RET: variants seen among roughly 807,000 people sequenced by gnomAD.
RET encodes the protein ret proto-oncogene, also known as proto-oncogene tyrosine-protein kinase receptor Ret.
A neutral mutation model predicts 118.3 loss-of-function variants in RET; 19 were observed. The observed-to-expected ratio is 0.16, with a 90% CI of 0.11 to 0.24. The LOEUF (loss-of-function observed/expected upper bound fraction) is 0.24. Among genes scored for constraint, RET ranks in the 10% least tolerant of loss-of-function variants. The pLI is 1.00. For missense variants in RET, 1,219 were observed against 1,502.1 expected, an observed-to-expected ratio of 0.81 and a Z score of 3.12; for synonymous variants, 597 against 644.1, an observed-to-expected ratio of 0.93 and a Z score of 1.11.
Position 43,114,979 on chromosome 10 carries a change from G to C in RET, c.2136+243G>C, listed in dbSNP as rs148299617. Among the ~76,000 whole-genome samples, 1 of 152,312 alleles carries C rather than the reference G, an allele frequency of 6.6e-6. No individual in the cohort carries two copies. Among genetic ancestry groups the C allele is most frequent in the African/African-American group, 2.4e-5 (1 of 41,578 alleles). On this transcript the variant is annotated intron_variant, in intron 11 of 19. Coordinates refer to ENST00000355710, the MANE Select transcript of RET (RefSeq NM_020975.6). This position sits in a 1 kb window ranked among gnomAD's most constrained non-coding sequence, Gnocchi z 4.6. Reference sequence around the variant, plus strand: ...TGGTCAGGGTCACAGCATCGGGCAGGGGAGCAGCAGTGTGGATGGAGGGGC... The same window carrying C: ...TGGTCAGGGTCACAGCATCGGGCAGCGGAGCAGCAGTGTGGATGGAGGGGC...
chr10:43,104,591 A>G, intron 3 of RET: 1 of 405,018 alleles, frequency 2.5e-6, no homozygotes, highest in Middle Eastern at 6.9e-4. Flanking sequence ...AGGCAAAGCC[A>G]CCCTTCCCCA....
chr10:43,086,918 T>C (rs1449256936), intron 1 of RET, among the ~76,000 whole-genome samples: 1 of 152,168 alleles, frequency 6.6e-6, no homozygotes, highest in East Asian at 1.9e-4. Flanking sequence ...GGCTGCCAGG[T>C]CCCCCAGTGC....
At chr10:43,119,395 C>T (rs1362628833) in intron 13 of RET, 136 bp from the exon 14 acceptor site, 1 of 678,862 alleles carries the variant, frequency 1.5e-6, no homozygotes, top group Non-Finnish European at 2.5e-6. Flanking sequence ...AGCAGTGCTG[C>T]CTGAGGCAGG....
intron 1 of RET, among the ~76,000 whole-genome samples, chr10:43,078,407 A>T (rs930508258): frequency 2.6e-5 from 4 of 152,162 alleles, no homozygotes; most frequent in Non-Finnish European, 2.9e-5. Flanking sequence ...GCACAAACTG[A>T]GTTTCCAGGC....
chr10:43,119,841 C>T (rs1838168898), intron 14 of RET, 96 bp downstream of exon 14: 1 of 1,370,878 alleles, frequency 7.3e-7, no homozygotes, highest in Admixed American at 1.8e-5. Context: ...GCCACTCCCC[C>T]ACCATGCCAC....
chr10:43,106,452 C>T lies in RET; in HGVS notation c.944C>T (p.Thr315Ile). ...PASGELVRRY[T>I]STLLPGDTWA... ...TCAGGGGAGCTGGTGAGGCGGTACACAAGCACGCTGCTCCCCGGGGACACC... is the reference window on the plus strand; with the variant it reads ...TCAGGGGAGCTGGTGAGGCGGTACATAAGCACGCTGCTCCCCGGGGACACC... The change falls in exon 5 of 20, where the codon ACA (threonine) becomes ATA (isoleucine). Residue 315 changes from threonine (T) to isoleucine (I), a missense_variant. Thr to Ile is a moderately conservative substitution (Grantham distance 89). Coordinates refer to ENST00000355710, the MANE Select transcript of RET (RefSeq NM_020975.6). The surrounding 1 kb of genome is among the most constrained non-coding windows in gnomAD (Gnocchi z 5.1). 1 of 1,613,524 alleles carries T rather than the reference C, an allele frequency of 6.2e-7. No homozygotes were observed. Among genetic ancestry groups the T allele is most frequent in the Non-Finnish European group, 8.5e-7 (1 of 1,179,816 alleles).
intron 3 of RET, 75 bp from the exon 4 acceptor site, chr10:43,104,877 C>A: frequency 4.8e-6 from 3 of 626,188 alleles, no homozygotes; most frequent in Non-Finnish European, 4.4e-6. Context: ...GACCGCAGAG[C>A]CCCCTTCCCG....
Position 43,078,830 on chromosome 10 carries a change from C to T in RET, c.73+1499C>T, listed in dbSNP as rs894712566. 3.9e-5 allele frequency among the ~76,000 whole-genome samples: 6 copies of T among 152,214 alleles called. No homozygotes were observed. The East Asian group carries it at 1.2e-3, about 29-fold the overall frequency. On this transcript the variant is annotated intron_variant, in intron 1 of 19. Transcript: ENST00000355710. ...GCTTTCCGTGCCCAGACCCCTGGCC[C>T]ACAGACAGCTTCCCGAATCCAGAGA... is the stretch of plus-strand genomic sequence containing the variant.
At chr10:43,119,931 C>T (rs1838171403) in intron 14 of RET, 150 bp from the exon 15 acceptor site, 2 of 1,309,538 alleles carry the variant, frequency 1.5e-6, no homozygotes, top group Non-Finnish European at 2.1e-6. Context: ...CCTGACTCCA[C>T]CACGCCCCTG....
chr10:43,124,333 G>T (rs1393055682), intron 17 of RET, among the ~76,000 whole-genome samples: 1 of 152,138 alleles, frequency 6.6e-6, no homozygotes, highest in South Asian at 2.1e-4. Context: ...CGTGGAGGGG[G>T]CATGCTGGGC....
chr10:43,126,883 A>C, intron 19 of RET, 161 bp downstream of exon 19: 1 of 1,449,240 alleles, frequency 6.9e-7, no homozygotes, highest in Admixed American at 2.7e-5. Context: ...TCCAGTTTAC[A>C]TTTAGGCATT....
At chr10:43,080,389 G>C (rs77154599) in intron 1 of RET, among the ~76,000 whole-genome samples, 4,814 of 152,340 alleles carry the variant, frequency 0.032, 148 homozygotes, top group East Asian at 0.11. Context: ...CCCCTGTGCT[G>C]TGCCTACTCA....
Position 43,077,094 on chromosome 10 carries a change from C to G in RET, c.-165C>G. 1 of 1,060,882 alleles carries G rather than the reference C, an allele frequency of 9.4e-7. No homozygotes were observed. 65.7% of individuals were successfully genotyped at this position (1,060,882 alleles called of 1,614,324 possible). ...AGTCCCGCGACCGAAGCAGGGCGCG[C>G]AGCAGCGCTGAGTGCCCCGGAACGT... On this transcript the variant is annotated 5_prime_UTR_variant, in exon 1 of 20. Coordinates refer to ENST00000355710, the MANE Select transcript of RET (RefSeq NM_020975.6).
At chr10:43,084,898 G>A (rs1297183352) in intron 1 of RET, among the ~76,000 whole-genome samples, 1 of 152,186 alleles carries the variant, frequency 6.6e-6, no homozygotes. Flanking sequence ...CCACTGACAA[G>A]ACGAGACTCA....
At chr10:43,122,597 G>A (rs1181780134) in intron 16 of RET, among the ~76,000 whole-genome samples, 1 of 152,042 alleles carries the variant, frequency 6.6e-6, no homozygotes, top group African/African-American at 2.4e-5. Flanking sequence ...GCAGAGGTGT[G>A]ATGTGCCTCT....
intron 1 of RET, among the ~76,000 whole-genome samples, chr10:43,087,416 G>GA (rs1837313256): frequency 1.3e-5 from 2 of 152,220 alleles, no homozygotes; most frequent in Non-Finnish European, 2.9e-5. Flanking sequence ...AGGACACCAG[G>GA]GAAGGAGCTG....
chr10:43,092,464 A>G (rs1408603267), intron 1 of RET, among the ~76,000 whole-genome samples: 1 of 152,276 alleles, frequency 6.6e-6, no homozygotes. Flanking sequence ...GATAAAGTTC[A>G]TGTGTATTTT....
At position 43,106,479 on chromosome 10, in the gene RET, G is replaced by T; in HGVS notation, c.971G>T (p.Trp324Leu). 2 of 1,613,624 alleles carry T rather than the reference G, an allele frequency of 1.2e-6. No individual in the cohort carries two copies. The highest frequency in any genetic ancestry group is 3.3e-4 in the Middle Eastern group (2 of 6,056). The change falls in exon 5 of 20, where the codon TGG becomes TTG. Residue 324 changes from tryptophan (W) to leucine (L), a missense_variant. Around this residue, in one of 5 missense-constraint regions of RET, gnomAD observed 850 missense variants for 969.6 expected, o/e 0.88. Transcript: ENST00000355710. This position sits in a 1 kb window ranked among gnomAD's most constrained non-coding sequence, Gnocchi z 5.1. ...AGCACGCTGCTCCCCGGGGACACCT[G>T]GGCCCAGCAGACCTTCCGGGTGGAA... ...YTSTLLPGDT[W>L]AQQTFRVEHW...
At chr10:43,086,850 C>T (rs1837298971) in intron 1 of RET, among the ~76,000 whole-genome samples, 1 of 152,246 alleles carries the variant, frequency 6.6e-6, no homozygotes, top group Admixed American at 6.5e-5. Context: ...CATCGTGCAG[C>T]TTAGGGCCTG....
Sources: gnomAD v4.1 joint callset for allele counts (sites outside exome capture counted in the v4.1 genomes callset) on GRCh38, gnomAD v4.1.1 for gene constraint, gnomAD v4.1.1 regional missense constraint, Gnocchi (gnomAD v3.1) non-coding constraint, MANE v1.5 for transcripts, NCBI Gene and HGNC (gene_info 2026-07-23, HGNC 2026-07-21) for gene names.